Variants in EHBP1 observed in about 807,000 individuals in gnomAD.
EHBP1 encodes the protein EH domain binding protein 1.
In EHBP1, 55 loss-of-function variants were observed where a neutral mutation model predicts 144.0. The observed-to-expected ratio is 0.38, with a 90% CI of 0.31 to 0.48. EHBP1 has a LOEUF of 0.48. EHBP1 is among the 20% of genes least tolerant of loss of function. The pLI is 0.98. For missense variants in EHBP1, 1,200 were observed against 1,364.2 expected (o/e 0.88, Z 1.90); for synonymous variants, 469 against 472.7 (o/e 0.99, Z 0.10).
At chr2:62,729,923 A>T (rs1411069423) in intron 2 of EHBP1, among the ~76,000 whole-genome samples, 1 of 152,068 alleles carries the variant, frequency 6.6e-6, no homozygotes, top group Non-Finnish European at 1.5e-5. Context: ...TAGTTTTAAT[A>T]TGTACAGACA....
chr2:62,680,552 C>T (rs192290607), intron 1 of EHBP1, among the ~76,000 whole-genome samples: 1 of 152,228 alleles, frequency 6.6e-6, no homozygotes, highest in East Asian at 1.9e-4. Flanking sequence ...ATTATTGTTG[C>T]ATTGCAGTGT....
At chr2:62,873,614 GA>G (rs1367547366) in intron 9 of EHBP1, among the ~76,000 whole-genome samples, 6 of 152,088 alleles carry the variant, frequency 3.9e-5, no homozygotes, top group Admixed American at 3.3e-4. Context: ...TCAGACTCAG[GA>G]AATACAAGGA....
chr2:62,985,853 C>A (rs2059164737), intron 15 of EHBP1, among the ~76,000 whole-genome samples: 1 of 152,176 alleles, frequency 6.6e-6, no homozygotes, highest in Non-Finnish European at 1.5e-5. Context: ...TTATTTTTAT[C>A]CAGTAACCCC....
At chr2:62,813,674 C>A (rs2045226519) in intron 5 of EHBP1, among the ~76,000 whole-genome samples, 1 of 152,194 alleles carries the variant, frequency 6.6e-6, no homozygotes, top group South Asian at 2.1e-4. Flanking sequence ...TGGCTTTGCT[C>A]ATGTGCCCCA....
intron 19 of EHBP1, among the ~76,000 whole-genome samples, chr2:63,001,446 G>A (rs893840629): frequency 6.6e-6 from 1 of 152,126 alleles, no homozygotes; most frequent in African/African-American, 2.4e-5. Context: ...TCTTCAGAAT[G>A]TTTCTTTACC....
chr2:62,838,725 A>C (rs2047521008), intron 7 of EHBP1, among the ~76,000 whole-genome samples: 4 of 151,758 alleles, frequency 2.6e-5, no homozygotes, highest in Admixed American at 2.6e-4. Flanking sequence ...CTATGCAAAT[A>C]AACTAGAAAA....
At chr2:62,701,206 A>G (rs181367499), upstream of EHBP1, among the ~76,000 whole-genome samples, 144 of 152,322 alleles carry the variant, frequency 9.5e-4, 1 homozygote, top group Non-Finnish European at 1.8e-3. Flanking sequence ...TATATAATTT[A>G]CATTTTTCCA....
intron 1 of EHBP1, among the ~76,000 whole-genome samples, chr2:62,689,251 C>T (rs1044738441): frequency 6.6e-6 from 1 of 152,132 alleles, no homozygotes; most frequent in African/African-American, 2.4e-5. Flanking sequence ...GTATGTATAA[C>T]CTAAATAGAG....
intron 19 of EHBP1, among the ~76,000 whole-genome samples, chr2:62,998,920 C>T (rs540449229): frequency 2.0e-5 from 3 of 152,200 alleles, no homozygotes; most frequent in South Asian, 2.1e-4. Context: ...TGCCTAAAAC[C>T]TAGTATCTGA....
intron 10 of EHBP1, among the ~76,000 whole-genome samples, chr2:62,914,303 A>C (rs1196572790): frequency 1.3e-5 from 2 of 152,082 alleles, no homozygotes; most frequent in African/African-American, 4.8e-5. Flanking sequence ...GAAATCTTCA[A>C]ACATCTTACT....
intron 3 of EHBP1, among the ~76,000 whole-genome samples, chr2:62,761,215 G>A (rs937501982): frequency 6.6e-6 from 1 of 152,054 alleles, no homozygotes; most frequent in Non-Finnish European, 1.5e-5. Flanking sequence ...TTGTTTTAGG[G>A]CTGTCAACAG....
chr2:62,837,932 G>A (rs1306166045), intron 7 of EHBP1, among the ~76,000 whole-genome samples: 2 of 145,634 alleles, frequency 1.4e-5, no homozygotes, highest in Non-Finnish European at 3.0e-5. Flanking sequence ...ACAGATCAAC[G>A]AGACAGAAAG....
chr2:62,814,527 C>T (rs902069112), intron 5 of EHBP1, among the ~76,000 whole-genome samples: 3 of 152,242 alleles, frequency 2.0e-5, no homozygotes, highest in Admixed American at 6.5e-5. Flanking sequence ...TTGCCCATCA[C>T]TTTATTTTGT....
intron 19 of EHBP1, among the ~76,000 whole-genome samples, chr2:63,004,060 A>C (rs187277920): frequency 1.9e-4 from 29 of 152,224 alleles, no homozygotes; most frequent in Admixed American, 6.6e-4. Context: ...CTTAATTCAT[A>C]AAATTATATC....
intron 12 of EHBP1, 76 bp downstream of exon 12, chr2:62,943,926 G>A: frequency 8.7e-7 from 1 of 1,143,270 alleles, no homozygotes. Flanking sequence ...TTTGGAGAAA[G>A]TGAGGCAGTT....
chr2:63,018,902 A>G (rs1017329778), intron 19 of EHBP1, among the ~76,000 whole-genome samples: 1 of 152,212 alleles, frequency 6.6e-6, no homozygotes, highest in Non-Finnish European at 1.5e-5. Context: ...TTCCTCAACA[A>G]CTATCTATGA....
intron 20 of EHBP1, among the ~76,000 whole-genome samples, chr2:63,038,390 C>A (rs1302246900): frequency 6.6e-6 from 1 of 151,966 alleles, no homozygotes; most frequent in East Asian, 1.9e-4. Context: ...TTTCATGTTT[C>A]TTGTATTCTT....
At chr2:62,837,362 C>T (rs1348140901) in intron 7 of EHBP1, among the ~76,000 whole-genome samples, 1 of 147,156 alleles carries the variant, frequency 6.8e-6, no homozygotes. Context: ...AAAGGAACAA[C>T]CGGTACCAGC....
intron 1 of EHBP1, among the ~76,000 whole-genome samples, chr2:62,692,420 A>G (rs2033937127): frequency 6.6e-6 from 1 of 152,236 alleles, no homozygotes; most frequent in African/African-American, 2.4e-5. Context: ...GAGTCATAGT[A>G]GCTCTACATT....
Sources: gnomAD v4.1 joint callset for allele counts (sites outside exome capture counted in the v4.1 genomes callset) on GRCh38, gnomAD v4.1.1 for gene constraint, MANE v1.5 for transcripts, NCBI Gene and HGNC (gene_info 2026-07-23, HGNC 2026-07-21) for gene names.